The following ITSN2 variants were observed in gnomAD, a reference collection of about 807,000 sequenced individuals.
ITSN2 encodes intersectin-2.
ITSN2 carries 156 observed loss-of-function variants against 243.7 expected under a neutral mutation model. The observed-to-expected ratio is 0.64, with a 90% CI of 0.56 to 0.73. The LOEUF (loss-of-function observed/expected upper bound fraction) is 0.73. Among genes scored for constraint, ITSN2 ranks in the 30% least tolerant of loss-of-function variants. The probability of loss-of-function intolerance (pLI) is 0.00; values close to 1 mark genes in which losing one functional copy is unlikely to be tolerated. For synonymous variants in ITSN2, 703 were observed against 699.9 expected, an observed-to-expected ratio of 1.00 and a Z score of -0.07; for missense variants, 1,801 against 1,996.1, an observed-to-expected ratio of 0.90 and a Z score of 1.86.
chr2:24,340,903 A>G (rs1686989149), intron 1 of ITSN2, among the ~76,000 whole-genome samples: 1 of 152,166 alleles, frequency 6.6e-6, no homozygotes, highest in African/African-American at 2.4e-5. Flanking sequence ...GTCTTTTAAG[A>G]GGAGAGGAAG....
intron 1 of ITSN2, among the ~76,000 whole-genome samples, chr2:24,346,440 A>C (rs1490321619): frequency 6.6e-6 from 1 of 152,166 alleles, no homozygotes; most frequent in African/African-American, 2.4e-5. Flanking sequence ...AAAAACAAGG[A>C]AAGTCTAAGG....
chr2:24,246,411 T>A, intron 28 of ITSN2, 91 bp from the exon 29 acceptor site: 1 of 653,762 alleles, frequency 1.5e-6, no homozygotes, highest in Non-Finnish European at 2.3e-6. Flanking sequence ...TTTAAATTAT[T>A]TTAATATTAA....
chr2:24,242,646 TAAA>T (rs1672860809), intron 29 of ITSN2, among the ~76,000 whole-genome samples: 1 of 152,186 alleles, frequency 6.6e-6, no homozygotes, highest in South Asian at 2.1e-4. Flanking sequence ...CAATTTCTGA[TAAA>T]TAATTACTTC....
Position 24,204,193 on chromosome 2 carries a change from G to A in ITSN2, c.4936+52C>T, listed in dbSNP as rs1180960635. The A allele has an allele frequency of 4.4e-6, 7 of 1,574,084 alleles. No individual in the cohort carries two copies. Among genetic ancestry groups the A allele is most frequent in the South Asian group, 1.1e-5 (1 of 89,734 alleles). ...CTGAAGCCCCTAGATCTGGACTCCA[G>A]GATCTAGGAAACTGGGAAAGCCTTT... On this transcript the variant is annotated intron_variant, in intron 39 of 39. Transcript: ENST00000355123. The surrounding 1 kb of genome is among the most constrained non-coding windows in gnomAD (Gnocchi z 5.1).
At chr2:24,212,161 C>T (rs939796155) in intron 33 of ITSN2, among the ~76,000 whole-genome samples, 1 of 152,116 alleles carries the variant, frequency 6.6e-6, no homozygotes, top group South Asian at 2.1e-4. Flanking sequence ...AATGTTGAAG[C>T]CGAATACAGC....
At chr2:24,356,712 T>C (rs1052345566) in intron 1 of ITSN2, among the ~76,000 whole-genome samples, 1 of 152,072 alleles carries the variant, frequency 6.6e-6, no homozygotes, top group Admixed American at 6.6e-5. Flanking sequence ...TTGGGAGTTC[T>C]AGACCAGCCT....
At chr2:24,212,268 G>C (rs914932164) in intron 33 of ITSN2, among the ~76,000 whole-genome samples, 2 of 152,160 alleles carry the variant, frequency 1.3e-5, no homozygotes, top group African/African-American at 4.8e-5. Context: ...GATCTCAGAG[G>C]AAAGACTGGA....
In ITSN2 at chr2:24,261,595, T is replaced by C. The variant is rs774675994; in HGVS notation, c.2503A>G (p.Thr835Ala). The change falls in exon 21 of 40, where the codon ACA becomes GCA. Residue 835 changes from threonine (T) to alanine (A), a missense_variant. This residue lies in a region of ITSN2 where 928 missense variants were observed against 1,065.4 expected (regional missense o/e 0.87). Transcript: ENST00000355123. ...GTTGAGGTAGCAGATAAAGAAACTGTAGGAGGAAGTAAGGCCTTCTTTGGA... is the reference window on the plus strand; with the variant it reads ...GTTGAGGTAGCAGATAAAGAAACTGCAGGAGGAAGTAAGGCCTTCTTTGGA... ...VSPKKALLPP[T>A]VSLSATSTSS... is the part of the protein sequence containing the mutation. 5 of 1,613,204 alleles carry C rather than the reference T, an allele frequency of 3.1e-6. No individual in the cohort carries two copies. The highest frequency in any genetic ancestry group is 2.2e-5 in the East Asian group (1 of 44,802).
chr2:24,328,147 T>C (rs1685361061), intron 1 of ITSN2, 32 bp from the exon 2 acceptor site: 26 of 1,522,450 alleles, frequency 1.7e-5, no homozygotes, highest in Non-Finnish European at 2.4e-5. Flanking sequence ...CCGTTGATAA[T>C]ACAACAAGGG....
At chr2:24,345,917 T>C (rs1687480657) in intron 1 of ITSN2, among the ~76,000 whole-genome samples, 2 of 152,204 alleles carry the variant, frequency 1.3e-5, no homozygotes, top group Admixed American at 1.3e-4. Flanking sequence ...TACCAGAAAA[T>C]TGTCCTATAT....
intron 1 of ITSN2, among the ~76,000 whole-genome samples, chr2:24,357,771 T>C (rs1472765534): frequency 6.6e-6 from 1 of 152,212 alleles, no homozygotes; most frequent in African/African-American, 2.4e-5. Context: ...ATGTAACTCG[T>C]TTATTCTGAA....
At chr2:24,297,628 G>A (rs2384005) in intron 13 of ITSN2, among the ~76,000 whole-genome samples, 148,950 of 152,306 alleles carry the variant, frequency 0.98, 72,832 homozygotes, top group East Asian at 0.99. Flanking sequence ...GTTGTGAAGC[G>A]TGGGAAGAAT....
intron 1 of ITSN2, among the ~76,000 whole-genome samples, chr2:24,356,345 CAAA>C (rs70944743): frequency 2.7e-4 from 29 of 109,350 alleles, no homozygotes; most frequent in Non-Finnish European, 3.7e-4. Context: ...GACCCTGTCT[CAAA>C]AAAAAAAAAA....
intron 1 of ITSN2, among the ~76,000 whole-genome samples, chr2:24,356,362 A>T (rs1411851446): frequency 7.1e-6 from 1 of 141,020 alleles, no homozygotes; most frequent in Non-Finnish European, 1.5e-5. Flanking sequence ...AAAAAAAAAA[A>T]GAAAGAAAAA....
At chr2:24,284,144 C>A (rs913551256) in intron 17 of ITSN2, among the ~76,000 whole-genome samples, 1 of 152,180 alleles carries the variant, frequency 6.6e-6, no homozygotes, top group South Asian at 2.1e-4. Flanking sequence ...AAGCACATTT[C>A]TTTAAGCTCT....
intron 39 of ITSN2, 62 bp from the exon 40 acceptor site, chr2:24,203,845 C>A: frequency 6.6e-7 from 1 of 1,504,566 alleles, no homozygotes; most frequent in Non-Finnish European, 9.0e-7. Flanking sequence ...TAAAGAGCTA[C>A]ATCCGGAAGA....
chr2:24,346,135 G>A (rs1687507954), intron 1 of ITSN2, among the ~76,000 whole-genome samples: 2 of 152,146 alleles, frequency 1.3e-5, no homozygotes. Flanking sequence ...AAAGGCAGAA[G>A]GCTACGTAGA....
Position 24,308,727 on chromosome 2 carries a change from C to A in ITSN2, c.683G>T (p.Gly228Val). ...TGAGGTCCCAGTCTTGGGTGAGTTCCCTGAGAGTGAAGCAGTCGAGGAAGT... is the reference window on the plus strand; with the variant it reads ...TGAGGTCCCAGTCTTGGGTGAGTTCACTGAGAGTGAAGCAGTCGAGGAAGT... ...SSTSSTASLSGNSPKTGTSEW... is the reference protein window; with the variant it reads ...SSTSSTASLSVNSPKTGTSEW... Residue 228 changes from glycine (G) to valine (V), a missense_variant, in exon 8 of 40, where the codon GGG becomes GTG. Around this residue, in one of 5 missense-constraint regions of ITSN2, gnomAD observed 787 missense variants for 803.9 expected, o/e 0.98. Transcript: ENST00000355123. 6.7e-7 allele frequency: 1 copy of A among 1,493,470 alleles called. No homozygotes were observed. Among genetic ancestry groups the A allele is most frequent in the South Asian group, 1.5e-5 (1 of 66,076 alleles). 92.5% of individuals were successfully genotyped at this position (1,493,470 alleles called of 1,614,324 possible).
intron 4 of ITSN2, among the ~76,000 whole-genome samples, 198 bp from the exon 5 acceptor site, chr2:24,312,573 A>G (rs1169934177): frequency 1.3e-5 from 2 of 152,224 alleles, no homozygotes; most frequent in African/African-American, 4.8e-5. Context: ...GACCAGAGAT[A>G]ATAACTAATA....
Sources: allele counts gnomAD v4.1 joint callset (sites outside exome capture counted in the v4.1 genomes callset), GRCh38; gene constraint gnomAD v4.1.1; regional missense constraint gnomAD v4.1.1; non-coding constraint Gnocchi (gnomAD v3.1); transcripts MANE v1.5; gene names NCBI Gene and HGNC (gene_info 2026-07-23, HGNC 2026-07-21).